PTPN9: variants seen among roughly 807,000 people sequenced by gnomAD.
The protein encoded by PTPN9 is protein tyrosine phosphatase non-receptor type 9.
Under a neutral mutation model 69.8 loss-of-function variants are expected in PTPN9, and 26 were observed. That is an observed-to-expected ratio of 0.37 (90% CI 0.27 to 0.52). PTPN9 has a LOEUF of 0.52. PTPN9 is among the 20% of genes least tolerant of loss of function. The pLI, the probability that PTPN9 is intolerant of heterozygous loss-of-function variation, is 0.91. For synonymous variants in PTPN9, 274 were observed against 272.5 expected, an observed-to-expected ratio of 1.01 and a Z score of -0.05; for missense variants, 549 against 740.3, an observed-to-expected ratio of 0.74 and a Z score of 3.00.
chr15:75,536,304 A>C (rs887603254), intron 1 of PTPN9, among the ~76,000 whole-genome samples: 5 of 152,214 alleles, frequency 3.3e-5, no homozygotes, highest in African/African-American at 1.2e-4. Flanking sequence ...CCTTTCGCTA[A>C]GATCAAGTGA....
chr15:75,490,609 G>A (rs577771948), intron 7 of PTPN9, among the ~76,000 whole-genome samples: 8 of 151,948 alleles, frequency 5.3e-5, no homozygotes, highest in Non-Finnish European at 1.0e-4. Flanking sequence ...GAGCAGTCTG[G>A]GAAATGTAAT....
At chr15:75,567,802 C>T (rs554032149) in intron 1 of PTPN9, among the ~76,000 whole-genome samples, 19 of 151,714 alleles carry the variant, frequency 1.3e-4, no homozygotes, top group African/African-American at 4.6e-4. Flanking sequence ...CAATACCGTC[C>T]TGACTAACAC....
At chr15:75,523,854 T>C (rs1194018771) in intron 3 of PTPN9, among the ~76,000 whole-genome samples, 1 of 152,078 alleles carries the variant, frequency 6.6e-6, no homozygotes, top group Non-Finnish European at 1.5e-5. Flanking sequence ...AATTCAATTG[T>C]TACTAAAATA....
chr15:75,570,831 C>A (rs547956729), intron 1 of PTPN9, among the ~76,000 whole-genome samples: 2 of 152,006 alleles, frequency 1.3e-5, no homozygotes, highest in East Asian at 3.9e-4. Flanking sequence ...AAAAACTACA[C>A]TATAAAAATG....
intron 1 of PTPN9, among the ~76,000 whole-genome samples, chr15:75,540,555 AAAAAAAAGAAAG>A (rs758402956): frequency 0.19 from 26,556 of 141,156 alleles, 2,713 homozygotes; most frequent in Non-Finnish European, 0.24. Context: ...AAAAAAAAAA[AAAAAAAAGAAAG>A]AAAGAAAGAA....
At chr15:75,529,087 A>G (rs1440842218) in intron 1 of PTPN9, among the ~76,000 whole-genome samples, 1 of 151,762 alleles carries the variant, frequency 6.6e-6, no homozygotes, top group African/African-American at 2.4e-5. Flanking sequence ...CCAGGGTTCA[A>G]GTGATTCTTC....
intron 1 of PTPN9, among the ~76,000 whole-genome samples, chr15:75,535,291 C>T (rs961933630): frequency 2.6e-5 from 4 of 152,096 alleles, no homozygotes; most frequent in South Asian, 2.1e-4. Context: ...CCACCGCGCC[C>T]GGCCTCAACT....
At chr15:75,544,827 T>C (rs968567301) in intron 1 of PTPN9, among the ~76,000 whole-genome samples, 1 of 152,110 alleles carries the variant, frequency 6.6e-6, no homozygotes, top group Non-Finnish European at 1.5e-5. Context: ...TTTTCTCTTC[T>C]TCCAACTGAT....
In PTPN9 at chr15:75,471,924, T is replaced by C. The variant is rs183826832; in HGVS notation, c.1209-1094A>G. ...CACCACTTAACTCCAGCCTGCACAA[T>C]AGAGTGAGACTCTTGTCTCAAAAAA... On this transcript the variant is annotated intron_variant, in intron 10 of 12. Coordinates refer to ENST00000618819, the MANE Select transcript of PTPN9 (RefSeq NM_002833.4). Among the ~76,000 whole-genome samples the C allele has an allele frequency of 2.8e-4, 42 of 151,452 alleles. 1 individual carries two copies. The highest frequency in any genetic ancestry group is 8.0e-4 in the African/African-American group (33 of 41,270).
At chr15:75,564,719 G>A (rs1453798681) in intron 1 of PTPN9, among the ~76,000 whole-genome samples, 1 of 152,050 alleles carries the variant, frequency 6.6e-6, no homozygotes, top group Non-Finnish European at 1.5e-5. Context: ...CACTTTGGGA[G>A]GGCAAGGTAG....
In PTPN9 at chr15:75,468,811, C is replaced by T. The variant is rs749809514; in HGVS notation, c.1740G>A (p.Met580Ile). ...AILEFAEKEG[M>I]VSSGQNLLAV... ...CCAGCAGGTTTTGGCCAGAGGATACCATGCCCTCCTTCTCTGCGAACTCCA... is the reference window on the plus strand; with the variant it reads ...CCAGCAGGTTTTGGCCAGAGGATACTATGCCCTCCTTCTCTGCGAACTCCA... Residue 580 changes from methionine to isoleucine, a missense_variant, in exon 13 of 13, where the codon ATG becomes ATA. By Grantham distance (10) the Met-to-Ile change is conservative (BLOSUM62 1). Coordinates refer to ENST00000618819, the MANE Select transcript of PTPN9 (RefSeq NM_002833.4). 3.5e-5 allele frequency: 57 copies of T among 1,613,976 alleles called. 2 individuals carry two copies. The South Asian group carries it at 6.0e-4, about 17-fold the overall frequency.
intron 9 of PTPN9, among the ~76,000 whole-genome samples, chr15:75,479,261 C>T (rs1567467307): frequency 2.0e-5 from 3 of 151,946 alleles, no homozygotes; most frequent in Admixed American, 6.6e-5. Flanking sequence ...GAGTGGAGGT[C>T]GTACCACTGC....
intron 5 of PTPN9, among the ~76,000 whole-genome samples, chr15:75,515,443 A>G (rs982065396): frequency 3.6e-4 from 55 of 151,558 alleles, no homozygotes; most frequent in African/African-American, 1.1e-3. Flanking sequence ...AAAAAAAAAA[A>G]AAAGAAATCT....
chr15:75,564,340 A>G (rs1464957388), intron 1 of PTPN9, among the ~76,000 whole-genome samples: 1 of 152,118 alleles, frequency 6.6e-6, no homozygotes, highest in Non-Finnish European at 1.5e-5. Context: ...CACGCCTGTA[A>G]TCCCAGCACT....
intron 5 of PTPN9, 150 bp from the exon 6 acceptor site, chr15:75,509,177 T>C (rs771489600): frequency 1.5e-4 from 89 of 603,378 alleles, no homozygotes; most frequent in Middle Eastern, 4.5e-4. Flanking sequence ...AGAGGAAAAG[T>C]GGTTAAACAA....
intron 1 of PTPN9, among the ~76,000 whole-genome samples, chr15:75,565,109 TATA>T (rs200204488): frequency 0.084 from 11,914 of 141,686 alleles, 831 homozygotes; most frequent in African/African-American, 0.19. Flanking sequence ...TCAAAAAATA[TATA>T]ATAATAATAA....
At chr15:75,499,053 C>A (rs889392653) in intron 7 of PTPN9, among the ~76,000 whole-genome samples, 2 of 152,164 alleles carry the variant, frequency 1.3e-5, no homozygotes, top group African/African-American at 4.8e-5. Flanking sequence ...TTATTTCTTA[C>A]AACTGCAGGT....
At chr15:75,508,484 G>C (rs117944959) in intron 6 of PTPN9, among the ~76,000 whole-genome samples, 2 of 152,290 alleles carry the variant, frequency 1.3e-5, no homozygotes, top group East Asian at 3.9e-4. Flanking sequence ...CCACAACCCT[G>C]GTGGTCAAGG....
At chr15:75,496,278 A>AT (rs200979433) in intron 7 of PTPN9, among the ~76,000 whole-genome samples, 15 of 151,758 alleles carry the variant, frequency 9.9e-5, no homozygotes, top group Middle Eastern at 3.4e-3. Context: ...TGTTCTAAAA[A>AT]TTAAAAAAAA....
Sources: gnomAD v4.1 joint callset for allele counts (sites outside exome capture counted in the v4.1 genomes callset) on GRCh38, gnomAD v4.1.1 for gene constraint, MANE v1.5 for transcripts, NCBI Gene and HGNC (gene_info 2026-07-23, HGNC 2026-07-21) for gene names.